The following COG5 variants were observed in gnomAD, a reference collection of about 807,000 sequenced individuals.
The protein encoded by COG5 is conserved oligomeric Golgi complex subunit 5.
A neutral mutation model predicts 110.4 loss-of-function variants in COG5; 86 were observed. That is an observed-to-expected ratio of 0.78 (90% confidence interval 0.65 to 0.93). The LOEUF is 0.93. COG5 is among the 40% of genes least tolerant of loss of function. The pLI is 0.00. For synonymous variants in COG5, 360 were observed against 334.6 expected (o/e 1.08, Z -0.83); for missense variants, 1,077 against 987.0 (o/e 1.09, Z -1.22).
intron 10 of COG5, among the ~76,000 whole-genome samples, chr7:107,359,644 A>T (rs1055420511): frequency 1.3e-5 from 2 of 152,064 alleles, no homozygotes; most frequent in African/African-American, 2.4e-5. Context: ...AAATCAGCAC[A>T]CCCTTCCTCC....
At chr7:107,380,523 T>C (rs1054133759) in intron 7 of COG5, among the ~76,000 whole-genome samples, 2 of 152,126 alleles carry the variant, frequency 1.3e-5, no homozygotes, top group African/African-American at 4.8e-5. Flanking sequence ...CATCAGAGAA[T>C]ACTATAAACA....
chr7:107,527,352 G>A lies in COG5; in HGVS notation c.423C>T (p.Ala141=). ...RTAQLARLQV[A]CDLLRRIIRI... ...GAATAATCCTCCGAAGCAAATCACA[G>A]GCAACCTGTGCAAACATCACAATGT... Residue 141 remains alanine (A), a synonymous_variant, in exon 6 of 22, where the codon GCC becomes GCT. Coordinates refer to ENST00000297135, the MANE Select transcript of COG5 (RefSeq NM_006348.5). 6 of 1,613,170 alleles carry A rather than the reference G, an allele frequency of 3.7e-6. No homozygotes were observed. Among genetic ancestry groups the A allele is most frequent in the Non-Finnish European group, 5.1e-6 (6 of 1,179,812 alleles).
chr7:107,431,094 T>C (rs1039793938), intron 6 of COG5, among the ~76,000 whole-genome samples: 1 of 152,198 alleles, frequency 6.6e-6, no homozygotes, highest in African/African-American at 2.4e-5. Context: ...ACATTTTGAT[T>C]TTAGTCCCTT....
At chr7:107,422,027 A>G (rs961029211) in intron 6 of COG5, among the ~76,000 whole-genome samples, 1 of 152,178 alleles carries the variant, frequency 6.6e-6, no homozygotes, top group African/African-American at 2.4e-5. Flanking sequence ...TCTCAAATCA[A>G]TAATACAAAC....
chr7:107,203,782 G>T (rs2116089497), intron 21 of COG5, 152 bp from the exon 22 acceptor site: 1 of 650,812 alleles, frequency 1.5e-6, no homozygotes, highest in Non-Finnish European at 2.7e-6. Context: ...CCTTCACTCA[G>T]TTACTGGTAG....
At chr7:107,491,230 C>T (rs996240154) in intron 6 of COG5, among the ~76,000 whole-genome samples, 2 of 152,060 alleles carry the variant, frequency 1.3e-5, no homozygotes, top group African/African-American at 4.8e-5. Context: ...CACAACTTGG[C>T]ATTAATGGAA....
At chr7:107,295,060 CACACACATATATAT>C (rs1424792200) in intron 12 of COG5, among the ~76,000 whole-genome samples, 4 of 56,392 alleles carry the variant, frequency 7.1e-5, no homozygotes, top group African/African-American at 2.6e-4. Flanking sequence ...CACACACACA[CACACACATATATAT>C]ATATATATAT....
At chr7:107,288,290 A>G (rs1359752064) in intron 12 of COG5, among the ~76,000 whole-genome samples, 1 of 152,170 alleles carries the variant, frequency 6.6e-6, no homozygotes, top group Non-Finnish European at 1.5e-5. Context: ...TGAGCCGGAG[A>G]GTTAGAGGAT....
chr7:107,457,234 C>T (rs1193306526), intron 6 of COG5, among the ~76,000 whole-genome samples: 1 of 151,092 alleles, frequency 6.6e-6, no homozygotes, highest in Non-Finnish European at 1.5e-5. Flanking sequence ...CTGAAAAACA[C>T]AATATTTGAA....
intron 6 of COG5, among the ~76,000 whole-genome samples, chr7:107,484,405 TA>T (rs1227527611): frequency 2.0e-5 from 3 of 152,324 alleles, no homozygotes; most frequent in Middle Eastern, 3.4e-3. Flanking sequence ...GAATTCTACA[TA>T]CTTTCTACTA....
rs528019879 is a variant in COG5 at position 107,267,978 on chromosome 7, GT to G, written c.1576-9596del. Among the ~76,000 whole-genome samples the G allele has an allele frequency of 2.4e-3, 366 of 152,104 alleles. 1 individual carries two copies. Among genetic ancestry groups the G allele is most frequent in the African/African-American group, 8.5e-3 (353 of 41,502 alleles). Reference sequence around the variant, plus strand: ...TTCGTAGTAAGAAATTCTTTTTGTTGTTTTTTTGAGACGGAGTTTCGCTCTT... The same window carrying G: ...TTCGTAGTAAGAAATTCTTTTTGTTGTTTTTTGAGACGGAGTTTCGCTCTT... On this transcript the variant is annotated intron_variant, in intron 14 of 21. Coordinates refer to ENST00000297135, the MANE Select transcript of COG5 (RefSeq NM_006348.5).
chr7:107,557,967 C>G lies in COG5; in HGVS notation c.234+9G>C. ...AATAATCCATAGGGACCCAGAAGAT[C>G]AGAATTACCTGTAAGTGTAGTTCTC... On this transcript the variant is annotated intron_variant, in intron 2 of 21. Coordinates refer to ENST00000297135, the MANE Select transcript of COG5 (RefSeq NM_006348.5). 1 of 1,613,822 alleles carries G rather than the reference C, an allele frequency of 6.2e-7. No homozygotes were observed.
intron 10 of COG5, among the ~76,000 whole-genome samples, chr7:107,348,653 CA>C (rs947402765): frequency 3.3e-4 from 50 of 152,124 alleles, no homozygotes; most frequent in African/African-American, 1.1e-3. Flanking sequence ...AATAGCCCCC[CA>C]AAAACCCACT....
intron 7 of COG5, among the ~76,000 whole-genome samples, chr7:107,376,768 G>A (rs902882363): frequency 7.2e-5 from 11 of 151,788 alleles, no homozygotes; most frequent in South Asian, 6.2e-4. Flanking sequence ...TTTCACCATC[G>A]AGATTTTTAG....
intron 14 of COG5, among the ~76,000 whole-genome samples, chr7:107,274,614 A>G (rs1210422618): frequency 6.6e-6 from 1 of 152,166 alleles, no homozygotes; most frequent in Non-Finnish European, 1.5e-5. Context: ...GCAGCCAGCC[A>G]GTCTTGTGAG....
chr7:107,407,867 T>C (rs2129064272), intron 7 of COG5, among the ~76,000 whole-genome samples: 1 of 152,176 alleles, frequency 6.6e-6, no homozygotes, highest in South Asian at 2.1e-4. Context: ...ATAAGTGTCA[T>C]TTGGGGATGT....
intron 5 of COG5, among the ~76,000 whole-genome samples, chr7:107,538,854 C>G (rs188497614): frequency 6.6e-6 from 1 of 151,676 alleles, no homozygotes; most frequent in East Asian, 1.9e-4. Flanking sequence ...TATTCATCAA[C>G]TGATGAAAGG....
chr7:107,494,540 C>T (rs1798155644), intron 6 of COG5, among the ~76,000 whole-genome samples: 1 of 152,086 alleles, frequency 6.6e-6, no homozygotes, highest in Non-Finnish European at 1.5e-5. Flanking sequence ...CAACTGCCTA[C>T]AATATTCAAT....
intron 11 of COG5, among the ~76,000 whole-genome samples, chr7:107,301,167 T>C: frequency 6.6e-6 from 1 of 152,276 alleles, no homozygotes; most frequent in South Asian, 2.1e-4. Flanking sequence ...TTAAATTTTC[T>C]AAAAGAAAAC....
Sources: gnomAD v4.1 joint callset for allele counts (sites outside exome capture counted in the v4.1 genomes callset) on GRCh38, gnomAD v4.1.1 for gene constraint, MANE v1.5 for transcripts, NCBI Gene and HGNC (gene_info 2026-07-23, HGNC 2026-07-21) for gene names.